Variants in MRPS9 observed in about 807,000 individuals in gnomAD.
MRPS9 encodes the protein small ribosomal subunit protein uS9m.
In MRPS9, 45 loss-of-function variants were observed where a neutral mutation model predicts 59.9. The observed-to-expected ratio is 0.75, with a 90% CI of 0.59 to 0.96. MRPS9 has a LOEUF of 0.96. Ranked by LOEUF, MRPS9 falls within the 40% of genes least tolerant of loss-of-function variation. The pLI is 0.00. For synonymous variants in MRPS9, 171 were observed against 166.8 expected, an observed-to-expected ratio of 1.03 and a Z score of -0.19; for missense variants, 473 against 481.1, an observed-to-expected ratio of 0.98 and a Z score of 0.16.
intron 7 of MRPS9, among the ~76,000 whole-genome samples, chr2:105,090,340 T>C (rs1680534911): frequency 6.6e-6 from 1 of 152,196 alleles, no homozygotes; most frequent in South Asian, 2.1e-4. Context: ...TACAAGCTGA[T>C]GATAAGTGTA....
At chr2:105,073,130 A>G (rs1180985966) in intron 4 of MRPS9, among the ~76,000 whole-genome samples, 4 of 151,784 alleles carry the variant, frequency 2.6e-5, no homozygotes, top group South Asian at 4.2e-4. Flanking sequence ...TAACTCTTCT[A>G]TTTTTTTAAA....
At chr2:105,067,694 T>C (rs564766630) in intron 2 of MRPS9, among the ~76,000 whole-genome samples, 1 of 152,328 alleles carries the variant, frequency 6.6e-6, no homozygotes, top group South Asian at 2.1e-4. Context: ...TTATAACATA[T>C]TGTTCTGTAA....
intron 4 of MRPS9, among the ~76,000 whole-genome samples, chr2:105,076,846 C>T (rs1680220881): frequency 6.6e-6 from 1 of 152,118 alleles, no homozygotes; most frequent in African/African-American, 2.4e-5. Context: ...AAATTACTCA[C>T]AAATTAACAA....
chr2:105,043,122 C>G (rs1369955741), intron 1 of MRPS9, among the ~76,000 whole-genome samples: 1 of 152,148 alleles, frequency 6.6e-6, no homozygotes, highest in Non-Finnish European at 1.5e-5. Context: ...CATCTATTAC[C>G]TATTTCATGT....
At chr2:105,066,380 G>A (rs548212744) in intron 2 of MRPS9, among the ~76,000 whole-genome samples, 2 of 152,262 alleles carry the variant, frequency 1.3e-5, no homozygotes, top group African/African-American at 4.8e-5. Flanking sequence ...AAGACTTCTA[G>A]CGAATTCTTT....
chr2:105,091,264 G>A, intron 7 of MRPS9: 1 of 470,878 alleles, frequency 2.1e-6, no homozygotes, highest in Non-Finnish European at 4.4e-6. Context: ...GGTGGTCAGT[G>A]ACTTCTTGAC....
At chr2:105,048,328 A>G (rs1679635383) in intron 1 of MRPS9, among the ~76,000 whole-genome samples, 1 of 151,720 alleles carries the variant, frequency 6.6e-6, no homozygotes, top group Non-Finnish European at 1.5e-5. Context: ...CAGGAAGGGG[A>G]ACATCACACT....
At chr2:105,065,310 T>C (rs1679980051) in intron 2 of MRPS9, among the ~76,000 whole-genome samples, 2 of 152,258 alleles carry the variant, frequency 1.3e-5, no homozygotes, top group Non-Finnish European at 2.9e-5. Flanking sequence ...GAGTACATTA[T>C]GAAATTAAAT....
chr2:105,053,251 G>A (rs1445571645), intron 2 of MRPS9, among the ~76,000 whole-genome samples: 1 of 152,138 alleles, frequency 6.6e-6, no homozygotes, highest in Non-Finnish European at 1.5e-5. Context: ...ATTAGTTTGG[G>A]ATGTTAATAT....
At position 105,078,141 on chromosome 2, in the gene MRPS9, CT is replaced by C. The variant is rs11421327; in HGVS notation, c.410-1824del. On this transcript the variant is annotated intron_variant, in intron 4 of 10. Coordinates refer to ENST00000258455, the MANE Select transcript of MRPS9 (RefSeq NM_182640.3). ...GTGCCTTATTCAGTTAATTCTAAGA[CT>C]TTTTTTTTTTTTTTTTTCAAATTTT... Among the ~76,000 whole-genome samples, 1,102 of 127,096 alleles carry C rather than the reference CT, an allele frequency of 8.7e-3. 9 individuals carry two copies. The highest frequency in any genetic ancestry group is 9.6e-3 in the Non-Finnish European group (591 of 61,830). 83.4% of individuals were successfully genotyped at this position (127,096 alleles called of 152,430 possible). A position where few individuals can be genotyped will look rare whatever the true frequency, so the allele number is the denominator to read the frequency against.
Position 105,061,813 on chromosome 2 carries a change from TC to T in MRPS9, c.316-9498del, listed in dbSNP as rs562888926. On this transcript the variant is annotated intron_variant, in intron 2 of 10. Coordinates refer to ENST00000258455, the MANE Select transcript of MRPS9 (RefSeq NM_182640.3). ...GGACATTATTCCTTCAGGTGGACCC[TC>T]CTAGAACGTAAGATGGAGGTCTGTG... Among the ~76,000 whole-genome samples, 311 of 152,294 alleles carry T rather than the reference TC, an allele frequency of 2.0e-3. 2 individuals are homozygous for T. Among genetic ancestry groups the T allele is most frequent in the South Asian group, 4.1e-3 (20 of 4,826 alleles).
intron 10 of MRPS9, chr2:105,098,687 G>T (rs1044072565): frequency 6.6e-6 from 1 of 152,162 alleles, no homozygotes; most frequent in African/African-American, 2.4e-5. Flanking sequence ...ACAAGCAAGT[G>T]TAAATGTTAT....
chr2:105,086,183 T>C (rs1372410259), intron 5 of MRPS9, among the ~76,000 whole-genome samples: 5 of 152,188 alleles, frequency 3.3e-5, no homozygotes, highest in African/African-American at 1.2e-4. Flanking sequence ...GTACGTACTT[T>C]ACATATATTT....
chr2:105,076,249 C>T (rs544447004), intron 4 of MRPS9, among the ~76,000 whole-genome samples: 80 of 152,232 alleles, frequency 5.3e-4, no homozygotes, highest in Admixed American at 9.2e-4. Context: ...AGTTACTGGG[C>T]GAAATGCTGA....
intron 5 of MRPS9, among the ~76,000 whole-genome samples, chr2:105,085,499 T>C (rs1680429200): frequency 6.6e-6 from 1 of 152,108 alleles, no homozygotes; most frequent in Non-Finnish European, 1.5e-5. Flanking sequence ...CTTCCTAAAA[T>C]TGGAATTTCC....
intron 2 of MRPS9, among the ~76,000 whole-genome samples, chr2:105,050,378 G>A (rs567555895): frequency 6.6e-5 from 10 of 152,176 alleles, no homozygotes; most frequent in Admixed American, 1.3e-4. Flanking sequence ...GACCTCTGGC[G>A]ATCCACCCAT....
At chr2:105,090,033 C>T (rs1447934518) in intron 7 of MRPS9, 38 bp downstream of exon 7, 12 of 1,209,156 alleles carry the variant, frequency 9.9e-6, no homozygotes, top group Non-Finnish European at 1.4e-5. Context: ...GGGACCTATG[C>T]AATAAGAATA....
At chr2:105,087,935 A>T (rs1316629414) in intron 5 of MRPS9, among the ~76,000 whole-genome samples, 1 of 152,126 alleles carries the variant, frequency 6.6e-6, no homozygotes, top group South Asian at 2.1e-4. Flanking sequence ...ACACTTAGAT[A>T]AAACTTTATC....
At chr2:105,047,615 A>T (rs1679616769) in intron 1 of MRPS9, among the ~76,000 whole-genome samples, 2 of 152,066 alleles carry the variant, frequency 1.3e-5, no homozygotes, top group Non-Finnish European at 1.5e-5. Context: ...AAGAGTGTTT[A>T]GAATTGTTGG....
Sources: allele counts gnomAD v4.1 joint callset (sites outside exome capture counted in the v4.1 genomes callset), GRCh38; gene constraint gnomAD v4.1.1; transcripts MANE v1.5; gene names NCBI Gene and HGNC (gene_info 2026-07-23, HGNC 2026-07-21).